The following SPAG17 variants were observed in gnomAD, a reference collection of about 807,000 sequenced individuals.
The protein encoded by SPAG17 is sperm-associated antigen 17.
A neutral mutation model predicts 273.6 loss-of-function variants in SPAG17; 169 were observed. The observed-to-expected ratio is 0.62, with a 90% CI of 0.55 to 0.70. The LOEUF is 0.70. SPAG17 is among the 30% of genes least tolerant of loss of function. SPAG17 has a pLI of 0.00. For synonymous variants in SPAG17, 825 were observed against 873.2 expected (o/e 0.94, Z 0.97); for missense variants, 2,557 against 2,627.8 (o/e 0.97, Z 0.59).
chr1:118,149,101 C>A (rs1659231665), intron 3 of SPAG17, among the ~76,000 whole-genome samples: 1 of 152,160 alleles, frequency 6.6e-6, no homozygotes, highest in South Asian at 2.1e-4. Context: ...TCTTCTGGAA[C>A]CATTCAGAAG....
chr1:118,125,351 C>T (rs1657657721), intron 3 of SPAG17, among the ~76,000 whole-genome samples: 1 of 151,970 alleles, frequency 6.6e-6, no homozygotes, highest in South Asian at 2.1e-4. Context: ...ATATCTATCA[C>T]CTCAAACACT....
intron 40 of SPAG17, among the ~76,000 whole-genome samples, chr1:117,985,158 T>C (rs1340391041): frequency 1.3e-5 from 2 of 152,194 alleles, no homozygotes; most frequent in African/African-American, 2.4e-5. Flanking sequence ...TCATAATTTC[T>C]GTAGCAGTAG....
chr1:118,124,805 T>C (rs1009940092), intron 3 of SPAG17, among the ~76,000 whole-genome samples: 1 of 152,236 alleles, frequency 6.6e-6, no homozygotes, highest in Admixed American at 6.5e-5. Context: ...GAGATGGGAT[T>C]TGAACCCAGG....
intron 18 of SPAG17, among the ~76,000 whole-genome samples, chr1:118,056,130 A>G (rs1364077049): frequency 2.6e-5 from 4 of 152,186 alleles, no homozygotes; most frequent in Admixed American, 6.5e-5. Context: ...AAATTTAAAA[A>G]TGAGATCTTT....
intron 48 of SPAG17, chr1:117,955,020 A>G: frequency 2.5e-6 from 1 of 392,866 alleles, no homozygotes; most frequent in Non-Finnish European, 4.5e-6. Context: ...ATGTTTATCT[A>G]GTAATCTCTA....
chr1:118,091,350 C>T (rs1489534224), intron 10 of SPAG17, among the ~76,000 whole-genome samples: 3 of 152,158 alleles, frequency 2.0e-5, no homozygotes, highest in Non-Finnish European at 4.4e-5. Context: ...TGACACCAGA[C>T]ACAGAGTATT....
intron 20 of SPAG17, among the ~76,000 whole-genome samples, chr1:118,051,926 T>C (rs978793670): frequency 7.5e-6 from 1 of 133,996 alleles, no homozygotes; most frequent in Admixed American, 7.6e-5. Flanking sequence ...CATAAACTAT[T>C]ATAATATATA....
In SPAG17 at chr1:118,086,087, C is replaced by A; in HGVS notation, c.1612-15G>T. The A allele has an allele frequency of 1.2e-6, 2 of 1,612,548 alleles. No homozygotes were observed. Among genetic ancestry groups the A allele is most frequent in the Non-Finnish European group, 1.7e-6 (2 of 1,179,504 alleles). On this transcript the variant is annotated splice_polypyrimidine_tract_variant and intron_variant, in intron 12 of 48. Transcript: ENST00000336338. ...TTCTTTTGGTCCTGATGAAAAAGAG[C>A]AACATGACAGAAGACATTAGAGTAA...
chr1:118,015,507 G>A (rs1659869977), intron 29 of SPAG17, among the ~76,000 whole-genome samples: 1 of 152,052 alleles, frequency 6.6e-6, no homozygotes, highest in African/African-American at 2.4e-5. Flanking sequence ...AAAGGATCAT[G>A]AACAAACTCC....
At chr1:117,990,974 T>C in intron 37 of SPAG17, 68 bp from the exon 38 acceptor site, 1 of 853,888 alleles carries the variant, frequency 1.2e-6, no homozygotes, top group Non-Finnish European at 1.8e-6. Flanking sequence ...TTAGAAACAT[T>C]CTCTCAAGCT....
chr1:118,009,064 T>TGCAA (rs1659195682), intron 30 of SPAG17, among the ~76,000 whole-genome samples: 1 of 152,098 alleles, frequency 6.6e-6, no homozygotes, highest in African/African-American at 2.4e-5. Flanking sequence ...TAGTGCATCA[T>TGCAA]AATATGATAT....
At chr1:118,130,784 T>C (rs548345344) in intron 3 of SPAG17, among the ~76,000 whole-genome samples, 1 of 152,332 alleles carries the variant, frequency 6.6e-6, no homozygotes, top group East Asian at 1.9e-4. Context: ...ATGATAAATA[T>C]TTTAGTATAC....
chr1:118,079,438 A>C (rs1018681390), intron 15 of SPAG17, among the ~76,000 whole-genome samples: 13 of 152,124 alleles, frequency 8.5e-5, no homozygotes, highest in African/African-American at 2.4e-4. Context: ...TATTCCTGAT[A>C]TAGTTTTATT....
intron 17 of SPAG17, among the ~76,000 whole-genome samples, chr1:118,069,999 G>A (rs546845875): frequency 6.6e-6 from 1 of 152,310 alleles, no homozygotes; most frequent in African/African-American, 2.4e-5. Context: ...GAGCAGTAAG[G>A]ACTGAGAAAA....
chr1:118,071,398 C>T (rs1424571301), intron 17 of SPAG17, among the ~76,000 whole-genome samples: 1 of 152,040 alleles, frequency 6.6e-6, no homozygotes, highest in Non-Finnish European at 1.5e-5. Context: ...ACCTGTAATG[C>T]CGGCACTTTG....
At chr1:118,184,973 C>T (rs1234240649) in intron 1 of SPAG17, 98 bp downstream of exon 1, 4 of 1,012,070 alleles carry the variant, frequency 4.0e-6, no homozygotes, top group South Asian at 2.8e-5. Context: ...CGGAGAGATA[C>T]GGAAGAGAGG....
rs770893407 is a variant in SPAG17 at position 118,151,365 on chromosome 1, T to G, written c.92A>C (p.Asp31Ala). The G allele has an allele frequency of 6.8e-6, 11 of 1,611,696 alleles. No homozygotes were observed. The highest frequency in any genetic ancestry group is 1.3e-5 in the African/African-American group (1 of 74,886). ...CACAAAAGCAATGGAGGCCTGCCAATCGTTCTATTAAAAATCAGACGGAAT... is the reference window on the plus strand; with the variant it reads ...CACAAAAGCAATGGAGGCCTGCCAAGCGTTCTATTAAAAATCAGACGGAAT... The part of the protein sequence containing the change: ...SLIAAQFNQN[D>A]WQASIAFVVG... Residue 31 changes from aspartate to alanine, a missense_variant, in exon 2 of 49, where the codon GAT becomes GCT. Physicochemically the swap from Asp to Ala is moderately radical, Grantham distance 126 (BLOSUM62 -2). Transcript: ENST00000336338.
intron 29 of SPAG17, among the ~76,000 whole-genome samples, chr1:118,015,465 C>A (rs1476508247): frequency 1.3e-5 from 2 of 152,022 alleles, no homozygotes; most frequent in African/African-American, 4.8e-5. Context: ...TGTGTCTTAT[C>A]TCTTTCAATA....
chr1:117,987,841 T>G lies in SPAG17; in HGVS notation c.5662A>C (p.Lys1888Gln), dbSNP rs1167165680. ...SSKRWKEKID[K>Q]TRKEIETTQN... ...GTTTTGGGGTATAATTACCTCGTTT[T>G]GTCTATCTTTTCTTTCCAGCGTTTT... The change falls in exon 40 of 49, where the codon AAA (lysine) becomes CAA (glutamine). Residue 1888 changes from lysine to glutamine, a missense_variant. Transcript: ENST00000336338. The G allele has an allele frequency of 6.2e-7, 1 of 1,612,458 alleles. No homozygotes were observed. The highest frequency in any genetic ancestry group is 1.7e-5 in the Admixed American group (1 of 59,934).
Sources: gnomAD v4.1 joint callset for allele counts (sites outside exome capture counted in the v4.1 genomes callset) on GRCh38, gnomAD v4.1.1 for gene constraint, MANE v1.5 for transcripts, NCBI Gene and HGNC (gene_info 2026-07-23, HGNC 2026-07-21) for gene names.